PAK1: variants seen among roughly 807,000 people sequenced by gnomAD.
PAK1 encodes p21 (RAC1) activated kinase 1, also known as serine/threonine-protein kinase PAK 1.
In PAK1, 29 loss-of-function variants were observed where a neutral mutation model predicts 67.4. The ratio of observed to expected loss-of-function variants is 0.43; its 90% confidence interval spans 0.32 to 0.59. PAK1 has a LOEUF of 0.59. Among genes scored for constraint, PAK1 ranks in the 20% least tolerant of loss-of-function variants. The pLI is 0.07. For missense variants in PAK1, 337 were observed against 670.7 expected, an observed-to-expected ratio of 0.50 and a Z score of 5.50; for synonymous variants, 223 against 237.4, an observed-to-expected ratio of 0.94 and a Z score of 0.56.
intron 1 of PAK1, among the ~76,000 whole-genome samples, chr11:77,402,253 G>C (rs1952800456): frequency 6.6e-6 from 1 of 152,170 alleles, no homozygotes; most frequent in African/African-American, 2.4e-5. Flanking sequence ...AGAAGAATGA[G>C]AGGCAGCAAA....
At position 77,417,926 on chromosome 11, in the gene PAK1, G is replaced by C. The variant is rs139380487; in HGVS notation, c.-21-25385C>G. 8.7e-3 allele frequency among the ~76,000 whole-genome samples: 1,322 copies of C among 151,878 alleles called. 17 individuals are homozygous for C. The highest frequency in any genetic ancestry group is 0.034 in the Middle Eastern group (10 of 294). On this transcript the variant is annotated intron_variant, in intron 1 of 14. Coordinates refer to ENST00000356341, the MANE Select transcript of PAK1 (RefSeq NM_002576.5). ...ATTTTTTGTATTTTTAGTAGAGATG[G>C]GGTTTCACCATGTTGGCCAGGCTGG...
At chr11:77,401,607 T>C (rs987415200) in intron 1 of PAK1, among the ~76,000 whole-genome samples, 8 of 152,196 alleles carry the variant, frequency 5.3e-5, no homozygotes, top group Non-Finnish European at 1.0e-4. Flanking sequence ...AACATGTCAT[T>C]CCAGCTCACT....
chr11:77,484,218 T>C, the PAK1 span, among the ~76,000 whole-genome samples: 1 of 110,424 alleles, frequency 9.1e-6, no homozygotes, highest in African/African-American at 3.4e-5. Context: ...AAGTTATCCA[T>C]AAAAAAAAAA....
intron 4 of PAK1, among the ~76,000 whole-genome samples, chr11:77,376,366 G>T (rs960724305): frequency 6.6e-6 from 1 of 152,150 alleles, no homozygotes; most frequent in African/African-American, 2.4e-5. Context: ...GTAAGTCAGT[G>T]GCAAAATAGG....
chr11:77,481,673 CAAAAAAAAAA>C, the PAK1 span, among the ~76,000 whole-genome samples: 1 of 94,434 alleles, frequency 1.1e-5, no homozygotes, highest in Non-Finnish European at 2.2e-5. Flanking sequence ...GACTCCATCT[CAAAAAAAAAA>C]AAAAAAAAAA....
the PAK1 span, chr11:77,515,061 A>T: frequency 6.6e-6 from 1 of 152,238 alleles, no homozygotes. Flanking sequence ...ACCTAATTGA[A>T]TAGCAATAAT....
At chr11:77,388,403 A>G (rs796866210) in intron 2 of PAK1, among the ~76,000 whole-genome samples, 16 of 152,118 alleles carry the variant, frequency 1.1e-4, no homozygotes, top group Admixed American at 1.0e-3. Flanking sequence ...GCCCAGGCTG[A>G]AGTGCAGTGG....
chr11:77,379,854 C>A, intron 3 of PAK1, 40 bp downstream of exon 3: 9 of 1,353,958 alleles, frequency 6.6e-6, no homozygotes, highest in Admixed American at 1.8e-5. Flanking sequence ...ACAGCCAGAA[C>A]TCTAAAAGAC....
At chr11:77,513,639 C>G in the PAK1 span, among the ~76,000 whole-genome samples, 1 of 133,120 alleles carries the variant, frequency 7.5e-6, no homozygotes, top group South Asian at 2.3e-4. Flanking sequence ...CCACTGCACT[C>G]CAGCCTGGGC....
Position 77,474,019 on chromosome 11 carries a change from T to A in PAK1, c.-489A>T, listed in dbSNP as rs1211834480. 1.3e-5 allele frequency: 2 copies of A among 151,562 alleles called. No individual in the cohort carries two copies. The highest frequency in any genetic ancestry group is 2.0e-4 in the East Asian group (1 of 5,090). The allele number at this position is 151,562 out of a possible 1,614,324, so 9.4% of individuals were successfully genotyped here. A position where few individuals can be genotyped will look rare whatever the true frequency, so the allele number is the denominator to read the frequency against. On this transcript the variant is annotated 5_prime_UTR_variant, in exon 1 of 15. Coordinates refer to ENST00000356341, the MANE Select transcript of PAK1 (RefSeq NM_002576.5). Reference sequence around the variant, plus strand: ...GGGGAAGCCGTGAGGGGGCGTCTACTGTGCAGCCACCACCTTCGGCTCCGG... The same window carrying A: ...GGGGAAGCCGTGAGGGGGCGTCTACAGTGCAGCCACCACCTTCGGCTCCGG...
chr11:77,465,975 T>C (rs999058304), intron 1 of PAK1, among the ~76,000 whole-genome samples: 1 of 152,106 alleles, frequency 6.6e-6, no homozygotes, highest in African/African-American at 2.4e-5. Context: ...AAAATATTAA[T>C]AGTAATTCTC....
chr11:77,369,407 C>A (rs1018187663), intron 5 of PAK1, among the ~76,000 whole-genome samples: 6 of 147,756 alleles, frequency 4.1e-5, no homozygotes, highest in African/African-American at 1.5e-4. Context: ...ATTCCCTATT[C>A]ACTTATATGC....
chr11:77,504,335 C>T, the PAK1 span, among the ~76,000 whole-genome samples: 4 of 150,078 alleles, frequency 2.7e-5, no homozygotes, highest in South Asian at 8.4e-4. Flanking sequence ...TTTTTGTAAT[C>T]TCTTTACTAC....
chr11:77,357,838 T>G (rs12295581), intron 6 of PAK1, among the ~76,000 whole-genome samples: 6,696 of 152,252 alleles, frequency 0.044, 527 homozygotes, highest in African/African-American at 0.15. Context: ...TGTTAAGCAC[T>G]AGAAATACAT....
intron 1 of PAK1, among the ~76,000 whole-genome samples, chr11:77,442,124 T>C (rs1265322146): frequency 6.6e-6 from 1 of 152,168 alleles, no homozygotes; most frequent in African/African-American, 2.4e-5. Flanking sequence ...TCTTAACCTG[T>C]TTATTAAAGT....
chr11:77,435,088 T>C (rs911940250), intron 1 of PAK1, among the ~76,000 whole-genome samples: 2 of 143,182 alleles, frequency 1.4e-5, no homozygotes, highest in Non-Finnish European at 3.0e-5. Flanking sequence ...TAAAACTAGA[T>C]TGTAGTACTT....
intron 6 of PAK1, among the ~76,000 whole-genome samples, chr11:77,357,371 C>T (rs1198373654): frequency 6.6e-6 from 1 of 152,200 alleles, no homozygotes; most frequent in Non-Finnish European, 1.5e-5. Context: ...GCAATGGCTT[C>T]CTTCCTGATT....
chr11:77,462,048 C>A lies in PAK1; in HGVS notation c.-22+11504G>T, dbSNP rs146308935. On this transcript the variant is annotated intron_variant, in intron 1 of 14. Transcript: ENST00000356341. Reference sequence around the variant, plus strand: ...TTAAGAATTTTCCACATCTTTTCGCCGGGCGCTGTGGCTCACGCCTGTAAT... The same window carrying A: ...TTAAGAATTTTCCACATCTTTTCGCAGGGCGCTGTGGCTCACGCCTGTAAT... Among the ~76,000 whole-genome samples, 182 of 152,258 alleles carry A rather than the reference C, an allele frequency of 1.2e-3. 1 individual carries two copies. Among genetic ancestry groups the A allele is most frequent in the Non-Finnish European group, 1.9e-3 (126 of 68,016 alleles).
intron 1 of PAK1, among the ~76,000 whole-genome samples, chr11:77,415,851 C>CT (rs1404017259): frequency 6.6e-6 from 1 of 151,874 alleles, no homozygotes; most frequent in East Asian, 1.9e-4. Context: ...ACTTTATAAA[C>CT]TTTTTAATTT....
Sources: gnomAD v4.1 joint callset for allele counts (sites outside exome capture counted in the v4.1 genomes callset) on GRCh38, gnomAD v4.1.1 for gene constraint, MANE v1.5 for transcripts, NCBI Gene and HGNC (gene_info 2026-07-23, HGNC 2026-07-21) for gene names.